The following KCNQ1 variants were observed in gnomAD, a reference collection of about 807,000 sequenced individuals.
KCNQ1 encodes the protein potassium voltage-gated channel subfamily Q member 1, also known as potassium voltage-gated channel subfamily KQT member 1.
In KCNQ1, 49 loss-of-function variants were observed where a neutral mutation model predicts 72.4. That is an observed-to-expected ratio of 0.68 (90% CI 0.54 to 0.86). The LOEUF (loss-of-function observed/expected upper bound fraction) is 0.86, where lower values mean the gene tolerates loss of function less well. Ranked by LOEUF, KCNQ1 falls within the 40% of genes least tolerant of loss-of-function variation. The pLI is 0.00. For synonymous variants in KCNQ1, 450 were observed against 412.6 expected, an observed-to-expected ratio of 1.09 and a Z score of -1.10; for missense variants, 790 against 945.1, an observed-to-expected ratio of 0.84 and a Z score of 2.15.
chr11:2,839,222 A>C (rs1331982343), intron 15 of KCNQ1, among the ~76,000 whole-genome samples: 5 of 151,980 alleles, frequency 3.3e-5, no homozygotes, highest in Non-Finnish European at 7.4e-5. Context: ...CTCTGGGTGC[A>C]CCTGGGCCTC....
At chr11:2,580,942 G>A (rs529169072) in intron 6 of KCNQ1, among the ~76,000 whole-genome samples, 6 of 152,354 alleles carry the variant, frequency 3.9e-5, no homozygotes, top group East Asian at 1.9e-4. Context: ...GGCAGAGCCC[G>A]GAGTGGAGGG....
rs555002713 is a variant in KCNQ1 at position 2,601,042 on chromosome 11, C to T, written c.1393+12188C>T. 1.3e-5 allele frequency among the ~76,000 whole-genome samples: 2 copies of T among 150,384 alleles called. No homozygotes were observed. The highest frequency in any genetic ancestry group is 1.5e-5 in the Non-Finnish European group (1 of 67,870). On this transcript the variant is annotated intron_variant, in intron 10 of 15. Transcript: ENST00000155840. The surrounding 1 kb of genome is among the most constrained non-coding windows in gnomAD (Gnocchi z 5.2). Reference sequence around the variant, plus strand: ...TTTTGCCTTGCAACCAATAAACAATCGGGGGAGATTCTTTAAGGCCATGCA... The same window carrying T: ...TTTTGCCTTGCAACCAATAAACAATTGGGGGAGATTCTTTAAGGCCATGCA...
intron 15 of KCNQ1, among the ~76,000 whole-genome samples, chr11:2,796,586 G>A (rs1002301074): frequency 1.3e-5 from 2 of 152,222 alleles, no homozygotes; most frequent in African/African-American, 4.8e-5. Flanking sequence ...AGGAAAACGT[G>A]CCCCGAAGGG....
In KCNQ1 at chr11:2,848,730, G is replaced by C; in HGVS notation, c.*727G>C. 1 of 453,816 alleles carries C rather than the reference G, an allele frequency of 2.2e-6. No individual in the cohort carries two copies. Among genetic ancestry groups the C allele is most frequent in the South Asian group, 1.6e-5 (1 of 64,462 alleles). The allele number at this position is 453,816 out of a possible 1,614,324, so 28.1% of individuals were successfully genotyped here. A position where few individuals can be genotyped will look rare whatever the true frequency, so the allele number is the denominator to read the frequency against. On this transcript the variant is annotated 3_prime_UTR_variant, in exon 16 of 16. Transcript: ENST00000155840. ...CTGCCTCTCCGCCCCTGAGCCCACT[G>C]TGCGTGGGGCTCCCGCCTCCAACCC...
intron 6 of KCNQ1, among the ~76,000 whole-genome samples, chr11:2,581,763 C>T (rs755925252): frequency 1.3e-5 from 2 of 152,256 alleles, no homozygotes. Context: ...GTGGAGCATC[C>T]CATCTCTGCA....
Position 2,642,600 on chromosome 11 carries a change from T to A in KCNQ1, c.1394-19361T>A, listed in dbSNP as rs1179395346. Reference sequence around the variant, plus strand: ...TAGTTTAGCCACTGGTTATTTTGTTTCTTTTCAAAAACCGATTTTGCATTT... The same window carrying A: ...TAGTTTAGCCACTGGTTATTTTGTTACTTTTCAAAAACCGATTTTGCATTT... On this transcript the variant is annotated intron_variant, in intron 10 of 15. Transcript: ENST00000155840. The surrounding 1 kb of genome is among the most constrained non-coding windows in gnomAD (Gnocchi z 4.3). 2.5e-6 allele frequency: 1 copy of A among 397,800 alleles called. No individual in the cohort carries two copies. The highest frequency in any genetic ancestry group is 3.6e-5 in the East Asian group (1 of 27,950). The allele number at this position is 397,800 out of a possible 1,614,324, so 24.6% of individuals were successfully genotyped here.
Position 2,661,535 on chromosome 11 carries a change from C to T in KCNQ1, c.1394-426C>T, listed in dbSNP as rs1324908855. ...GGTCCTATCACCCCATCTTTCCTGACCCACTACTCTGTCAATGTATGAGTG... is the reference window on the plus strand; with the variant it reads ...GGTCCTATCACCCCATCTTTCCTGATCCACTACTCTGTCAATGTATGAGTG... On this transcript the variant is annotated intron_variant, in intron 10 of 15. Transcript: ENST00000155840. This position sits in a 1 kb window ranked among gnomAD's most constrained non-coding sequence, Gnocchi z 5.9. 9 of 495,796 alleles carry T rather than the reference C, an allele frequency of 1.8e-5. No individual in the cohort carries two copies. Among genetic ancestry groups the T allele is most frequent in the Non-Finnish European group, 3.2e-5 (9 of 282,094 alleles). The allele number at this position is 495,796 out of a possible 1,614,324, so 30.7% of individuals were successfully genotyped here. A position where few individuals can be genotyped will look rare whatever the true frequency, so the allele number is the denominator to read the frequency against.
chr11:2,461,696 G>T lies in KCNQ1; in HGVS notation c.386+16212G>T, dbSNP rs764318947. Reference sequence around the variant, plus strand: ...GAAAGAGCCTGTGCTTCCTGAGCCAGTGCGGGGCCTGGCATGGAGTAGGTA... The same window carrying T: ...GAAAGAGCCTGTGCTTCCTGAGCCATTGCGGGGCCTGGCATGGAGTAGGTA... On this transcript the variant is annotated intron_variant, in intron 1 of 15. Coordinates refer to ENST00000155840, the MANE Select transcript of KCNQ1 (RefSeq NM_000218.3). The T allele has an allele frequency of 7.3e-6, 10 of 1,367,220 alleles. No homozygotes were observed. The South Asian group carries it at 1.1e-4, about 16-fold the overall frequency. The allele number at this position is 1,367,220 out of a possible 1,614,324, so 84.7% of individuals were successfully genotyped here.
At position 2,657,460 on chromosome 11, in the gene KCNQ1, A is replaced by T. The variant is rs1849870299; in HGVS notation, c.1394-4501A>T. The T allele has an allele frequency of 2.5e-6, 1 of 398,564 alleles. No individual in the cohort carries two copies. Among genetic ancestry groups the T allele is most frequent in the African/African-American group, 2.1e-5 (1 of 48,764 alleles). 24.7% of individuals were successfully genotyped at this position (398,564 alleles called of 1,614,324 possible). A position where few individuals can be genotyped will look rare whatever the true frequency, so the allele number is the denominator to read the frequency against. ...AATTAATATTCTTTTGTGCTATTGT[A>T]TACAGGTTCTGTTTTCTCTTGTTAC... On this transcript the variant is annotated intron_variant, in intron 10 of 15. Coordinates refer to ENST00000155840, the MANE Select transcript of KCNQ1 (RefSeq NM_000218.3). The surrounding 1 kb of genome is among the most constrained non-coding windows in gnomAD (Gnocchi z 4.8).
At chr11:2,465,199 G>T (rs753209642) in intron 1 of KCNQ1, among the ~76,000 whole-genome samples, 1 of 151,954 alleles carries the variant, frequency 6.6e-6, no homozygotes, top group Non-Finnish European at 1.5e-5. Context: ...TCACTCTGTC[G>T]CCTAGGTTAG....
In KCNQ1 at chr11:2,687,942, C is replaced by T. The variant is rs1224810975; in HGVS notation, c.1514+25861C>T. The T allele has an allele frequency of 7.5e-6, 3 of 398,634 alleles. No individual in the cohort carries two copies. Among genetic ancestry groups the T allele is most frequent in the East Asian group, 3.6e-5 (1 of 28,080 alleles). The allele number at this position is 398,634 out of a possible 1,614,324, so 24.7% of individuals were successfully genotyped here. On this transcript the variant is annotated intron_variant, in intron 11 of 15. Coordinates refer to ENST00000155840, the MANE Select transcript of KCNQ1 (RefSeq NM_000218.3). This position sits in a 1 kb window ranked among gnomAD's most constrained non-coding sequence, Gnocchi z 5.0. ...GTTGTGAGGCTGCACTTCTCCCACC[C>T]GCTGTGGGTCAGCCAGGCCGCTGCT...
intron 15 of KCNQ1, among the ~76,000 whole-genome samples, chr11:2,797,646 C>G (rs191480734): frequency 1.3e-5 from 2 of 152,184 alleles, no homozygotes; most frequent in Non-Finnish European, 2.9e-5. Flanking sequence ...CTCTGTGCAG[C>G]AGGGCCCTTT....
chr11:2,664,077 C>T lies in KCNQ1; in HGVS notation c.1514+1996C>T, dbSNP rs542427927. 6 of 398,750 alleles carry T rather than the reference C, an allele frequency of 1.5e-5. No homozygotes were observed. The highest frequency in any genetic ancestry group is 8.8e-5 in the Admixed American group (2 of 22,738). 24.7% of individuals were successfully genotyped at this position (398,750 alleles called of 1,614,324 possible). A position where few individuals can be genotyped will look rare whatever the true frequency, so the allele number is the denominator to read the frequency against. On this transcript the variant is annotated intron_variant, in intron 11 of 15. Coordinates refer to ENST00000155840, the MANE Select transcript of KCNQ1 (RefSeq NM_000218.3). The surrounding 1 kb of genome is among the most constrained non-coding windows in gnomAD (Gnocchi z 5.1). ...CATGGCCTCCAGTGATAAGTGGGCC[C>T]AGGCAGGTCAGAGACTCCAGTCATT...
intron 1 of KCNQ1, among the ~76,000 whole-genome samples, chr11:2,504,885 T>C (rs1233132963): frequency 6.6e-6 from 1 of 152,194 alleles, no homozygotes; most frequent in African/African-American, 2.4e-5. Flanking sequence ...GAATATCTCA[T>C]GGACCCCATA....
rs555265126 is a variant in KCNQ1, at chr11:2,573,048, A to G, written c.921+62A>G. Reference sequence around the variant, plus strand: ...GCTCAGGCTGAGGAGTGGGCAGGACATCTGGGCACTGGTGTCTTGAGACTT... The same window carrying G: ...GCTCAGGCTGAGGAGTGGGCAGGACGTCTGGGCACTGGTGTCTTGAGACTT... On this transcript the variant is annotated intron_variant, in intron 6 of 15. Transcript: ENST00000155840. 1.6e-5 allele frequency: 25 copies of G among 1,570,582 alleles called. No homozygotes were observed. In the African/African-American group the frequency reaches 2.7e-4, roughly 17 times the overall value.
At position 2,617,071 on chromosome 11, in the gene KCNQ1, T is replaced by C; in HGVS notation, c.1393+28217T>C. On this transcript the variant is annotated intron_variant, in intron 10 of 15. Transcript: ENST00000155840. The surrounding 1 kb of genome is among the most constrained non-coding windows in gnomAD (Gnocchi z 4.6). Reference sequence around the variant, plus strand: ...TATGTCCATCATCTCACAGTTATTCTTTTGTGTGTATGAGTGAGAAAAGCT... The same window carrying C: ...TATGTCCATCATCTCACAGTTATTCCTTTGTGTGTATGAGTGAGAAAAGCT... 1 of 398,306 alleles carries C rather than the reference T, an allele frequency of 2.5e-6. No individual in the cohort carries two copies. Among genetic ancestry groups the C allele is most frequent in the Middle Eastern group, 6.3e-4 (1 of 1,584 alleles). The allele number at this position is 398,306 out of a possible 1,614,324, so 24.7% of individuals were successfully genotyped here. A position where few individuals can be genotyped will look rare whatever the true frequency, so the allele number is the denominator to read the frequency against.
Position 2,481,928 on chromosome 11 carries a change from A to G in KCNQ1, c.386+36444A>G, listed in dbSNP as rs1436365723. 3.3e-5 allele frequency among the ~76,000 whole-genome samples: 5 copies of G among 152,236 alleles called. No homozygotes were observed. The highest frequency in any genetic ancestry group is 1.9e-4 in the East Asian group (1 of 5,196). ...TGCCCAATGCAAGTAATGTGCTTGA[A>G]TCATCCCAGAACCACCCACACCACT... On this transcript the variant is annotated intron_variant, in intron 1 of 15. Transcript: ENST00000155840. This position sits in a 1 kb window ranked among gnomAD's most constrained non-coding sequence, Gnocchi z 4.6.
rs963276462 is a variant in KCNQ1, at chr11:2,608,689, C to A, written c.1393+19835C>A. ...TTGTTGTGCATGCTATTCTTGAACT[C>A]CTGGCCACAAGCAATTCTCGAACTC... is the stretch of plus-strand genomic sequence containing the variant. On this transcript the variant is annotated intron_variant, in intron 10 of 15. Coordinates refer to ENST00000155840, the MANE Select transcript of KCNQ1 (RefSeq NM_000218.3). This position sits in a 1 kb window ranked among gnomAD's most constrained non-coding sequence, Gnocchi z 4.6. The A allele has an allele frequency of 1.0e-5, 4 of 380,972 alleles. No homozygotes were observed. The highest frequency in any genetic ancestry group is 1.8e-5 in the Non-Finnish European group (4 of 225,692). The allele number at this position is 380,972 out of a possible 1,614,324, so 23.6% of individuals were successfully genotyped here. A position where few individuals can be genotyped will look rare whatever the true frequency, so the allele number is the denominator to read the frequency against.
At chr11:2,456,614 C>A (rs1846193083) in intron 1 of KCNQ1, among the ~76,000 whole-genome samples, 1 of 151,762 alleles carries the variant, frequency 6.6e-6, no homozygotes, top group African/African-American at 2.4e-5. Flanking sequence ...AGCAAAAAAA[C>A]AACCCCATTA....
Sources: allele counts gnomAD v4.1 joint callset (sites outside exome capture counted in the v4.1 genomes callset), GRCh38; gene constraint gnomAD v4.1.1; non-coding constraint Gnocchi (gnomAD v3.1); transcripts MANE v1.5; gene names NCBI Gene and HGNC (gene_info 2026-07-23, HGNC 2026-07-21).